The following NRCAM variants were observed in gnomAD, a reference collection of about 807,000 sequenced individuals.
NRCAM encodes NgCAM-related cell adhesion molecule.
NRCAM carries 83 observed loss-of-function variants against 156.5 expected under a neutral mutation model. The observed-to-expected ratio is 0.53, with a 90% CI of 0.44 to 0.64. The LOEUF is 0.64. Among genes scored for constraint, NRCAM ranks in the 30% least tolerant of loss-of-function variants. The pLI, the probability that NRCAM is intolerant of heterozygous loss-of-function variation, is 0.00. For synonymous variants in NRCAM, 538 were observed against 563.9 expected, an observed-to-expected ratio of 0.95 and a Z score of 0.65; for missense variants, 1,417 against 1,597.3, an observed-to-expected ratio of 0.89 and a Z score of 1.92.
intron 2 of NRCAM, among the ~76,000 whole-genome samples, chr7:108,382,566 A>G (rs1242328840): frequency 6.6e-6 from 1 of 152,140 alleles, no homozygotes; most frequent in Admixed American, 6.6e-5. Context: ...CTATGACTGC[A>G]GCATTGCACT....
rs777073673 is a variant in NRCAM at position 108,232,443 on chromosome 7, G to A, written c.310C>T (p.Leu104Phe). ...CCTTCGCTCATGATGTTAATTATGA[G>A]CGTTCCTGTGCCAGGCTTCATGGTG... ...LVTMKPGTGT[L>F]IINIMSEGKA... is the part of the protein sequence containing the mutation. The change falls in exon 7 of 33, where the codon CTC becomes TTC. Residue 104 changes from leucine (L) to phenylalanine (F), a missense_variant. Physicochemically the swap from Leu to Phe is conservative, Grantham distance 22. Coordinates refer to ENST00000379028, the MANE Select transcript of NRCAM (RefSeq NM_001037132.4). 6 of 1,613,636 alleles carry A rather than the reference G, an allele frequency of 3.7e-6. No homozygotes were observed. The highest frequency in any genetic ancestry group is 5.1e-6 in the Non-Finnish European group (6 of 1,179,724).
intron 1 of NRCAM, among the ~76,000 whole-genome samples, chr7:108,441,145 G>A (rs1166304308): frequency 6.6e-6 from 1 of 152,114 alleles, no homozygotes; most frequent in Non-Finnish European, 1.5e-5. Flanking sequence ...CTCATTCAAG[G>A]AGTTAATGTT....
intron 3 of NRCAM, among the ~76,000 whole-genome samples, chr7:108,240,989 T>C (rs2095485202): frequency 6.6e-6 from 1 of 152,188 alleles, no homozygotes; most frequent in Non-Finnish European, 1.5e-5. Context: ...TGTCTTTGTT[T>C]ATTCTATTTC....
intron 1 of NRCAM, among the ~76,000 whole-genome samples, chr7:108,427,020 A>G (rs1818162020): frequency 6.6e-6 from 1 of 152,138 alleles, no homozygotes; most frequent in African/African-American, 2.4e-5. Flanking sequence ...CTACTTCTCC[A>G]TATTCCAACA....
intron 6 of NRCAM, among the ~76,000 whole-genome samples, chr7:108,233,751 T>A (rs2094584032): frequency 6.6e-6 from 1 of 152,140 alleles, no homozygotes; most frequent in South Asian, 2.1e-4. Context: ...AACCTGGAAA[T>A]AAAATAACTG....
chr7:108,452,410 G>T (rs1007739362), intron 1 of NRCAM, among the ~76,000 whole-genome samples: 1 of 151,826 alleles, frequency 6.6e-6, no homozygotes, highest in Non-Finnish European at 1.5e-5. Context: ...TAATGCTGTG[G>T]GGGGGGGAAG....
chr7:108,450,324 A>G (rs1326945573), intron 1 of NRCAM, among the ~76,000 whole-genome samples: 2 of 152,044 alleles, frequency 1.3e-5, no homozygotes, highest in Non-Finnish European at 2.9e-5. Context: ...AGACTGTTAA[A>G]AATTACCTTT....
intron 28 of NRCAM, among the ~76,000 whole-genome samples, chr7:108,171,976 T>C (rs1270436338): frequency 6.6e-6 from 1 of 152,230 alleles, no homozygotes; most frequent in East Asian, 1.9e-4. Flanking sequence ...CACTAGCTGA[T>C]CCTCAATGCT....
intron 3 of NRCAM, among the ~76,000 whole-genome samples, chr7:108,284,765 A>G (rs1340832109): frequency 1.3e-5 from 2 of 152,222 alleles, no homozygotes; most frequent in African/African-American, 4.8e-5. Flanking sequence ...ATAGACATAC[A>G]TTAGAAACCC....
At chr7:108,213,333 T>G (rs569630586) in intron 11 of NRCAM, among the ~76,000 whole-genome samples, 1 of 151,944 alleles carries the variant, frequency 6.6e-6, no homozygotes, top group Admixed American at 6.6e-5. Context: ...AACAAAAATA[T>G]AATTCAAAAA....
rs767559949 is a variant in NRCAM, at chr7:108,191,720, C to T, written c.1903+9G>A. On this transcript the variant is annotated intron_variant, in intron 18 of 32. Transcript: ENST00000379028. Reference sequence around the variant, plus strand: ...AAGCCAGTTGTGCTATTTTTGTTTTCGTTCTTACCAACAACGCTAAGCACA... The same window carrying T: ...AAGCCAGTTGTGCTATTTTTGTTTTTGTTCTTACCAACAACGCTAAGCACA... The T allele has an allele frequency of 2.2e-5, 35 of 1,576,442 alleles. No homozygotes were observed. The highest frequency in any genetic ancestry group is 1.7e-4 in the Middle Eastern group (1 of 5,902).
intron 3 of NRCAM, among the ~76,000 whole-genome samples, chr7:108,243,674 A>C (rs1280685816): frequency 6.6e-6 from 1 of 152,230 alleles, no homozygotes; most frequent in South Asian, 2.1e-4. Context: ...GGATTGAATG[A>C]GATAAATGGT....
At chr7:108,275,290 T>C (rs2097550108) in intron 3 of NRCAM, among the ~76,000 whole-genome samples, 2 of 152,238 alleles carry the variant, frequency 1.3e-5, no homozygotes, top group Non-Finnish European at 2.9e-5. Context: ...TTTCTACTGA[T>C]CGGAATAGCT....
At chr7:108,307,449 C>A (rs910116956) in intron 3 of NRCAM, among the ~76,000 whole-genome samples, 1 of 152,188 alleles carries the variant, frequency 6.6e-6, no homozygotes, top group African/African-American at 2.4e-5. Context: ...ATATCCTACT[C>A]GACTCTTTCA....
chr7:108,422,695 C>A (rs1380797312), intron 1 of NRCAM, among the ~76,000 whole-genome samples: 1 of 152,146 alleles, frequency 6.6e-6, no homozygotes, highest in African/African-American at 2.4e-5. Context: ...GAAAGTCCTA[C>A]TAAGAACAGT....
chr7:108,276,764 T>C (rs1435759804), intron 3 of NRCAM, among the ~76,000 whole-genome samples: 2 of 152,230 alleles, frequency 1.3e-5, no homozygotes, highest in Non-Finnish European at 2.9e-5. Flanking sequence ...AGGTGTGAAT[T>C]TGATCCTGTC....
rs549008475 is a variant in NRCAM at position 108,314,739 on chromosome 7, G to A, written c.-173-2008C>T. On this transcript the variant is annotated intron_variant, in intron 2 of 32. Transcript: ENST00000379028. The stretch of plus-strand genomic sequence containing the variant: ...ACACATTTTTTTGCTGGACTTTTTT[G>A]GCAGAGAAAGAGTTGTTTGGTTTTA... 3.3e-5 allele frequency among the ~76,000 whole-genome samples: 5 copies of A among 152,166 alleles called. No individual in the cohort carries two copies. The South Asian group carries it at 6.2e-4, about 19-fold the overall frequency.
intron 1 of NRCAM, among the ~76,000 whole-genome samples, chr7:108,428,077 G>C (rs1266398721): frequency 2.0e-5 from 3 of 151,852 alleles, no homozygotes; most frequent in African/African-American, 4.8e-5. Flanking sequence ...ACCAGAGAAA[G>C]GACAAGATAA....
At chr7:108,370,598 GATAGCCAA>G (rs2099622167) in intron 2 of NRCAM, among the ~76,000 whole-genome samples, 1 of 152,010 alleles carries the variant, frequency 6.6e-6, no homozygotes, top group Non-Finnish European at 1.5e-5. Flanking sequence ...ACGTTTTTCA[GATAGCCAA>G]ATATTTAACT....
Sources: allele counts gnomAD v4.1 joint callset (sites outside exome capture counted in the v4.1 genomes callset), GRCh38; gene constraint gnomAD v4.1.1; transcripts MANE v1.5; gene names NCBI Gene and HGNC (gene_info 2026-07-23, HGNC 2026-07-21).